The following MAGI2 variants were observed in gnomAD, a reference collection of about 807,000 sequenced individuals.
MAGI2 encodes membrane-associated guanylate kinase, WW and PDZ domain-containing protein 2.
In MAGI2, 35 loss-of-function variants were observed where a neutral mutation model predicts 133.3. The observed-to-expected ratio is 0.26, with a 90% CI of 0.20 to 0.35. The LOEUF is 0.35. MAGI2 is among the 10% of genes least tolerant of loss of function. MAGI2 has a pLI of 1.00. For synonymous variants in MAGI2, 729 were observed against 710.6 expected, an observed-to-expected ratio of 1.03 and a Z score of -0.41; for missense variants, 1,636 against 1,863.4, an observed-to-expected ratio of 0.88 and a Z score of 2.25.
intron 3 of MAGI2, among the ~76,000 whole-genome samples, chr7:78,608,510 ATG>A (rs563824901): frequency 1.3e-5 from 2 of 151,568 alleles, no homozygotes; most frequent in Admixed American, 6.6e-5. Flanking sequence ...AGCATATATA[ATG>A]TGTGTCTGTG....
intron 1 of MAGI2, among the ~76,000 whole-genome samples, chr7:79,299,554 CAAAAAAA>C (rs57740248): frequency 0.02 from 1,691 of 84,726 alleles, 143 homozygotes; most frequent in Admixed American, 0.027. Context: ...GACTCCATCT[CAAAAAAA>C]AAAAAAAAAA....
At chr7:78,985,306 A>G (rs1805158887) in intron 2 of MAGI2, among the ~76,000 whole-genome samples, 2 of 152,092 alleles carry the variant, frequency 1.3e-5, no homozygotes, top group Admixed American at 6.6e-5. Flanking sequence ...ATTTCTGTCC[A>G]TTTATTAATT....
intron 6 of MAGI2, among the ~76,000 whole-genome samples, chr7:78,432,500 T>C (rs563329112): frequency 6.6e-6 from 1 of 152,186 alleles, no homozygotes; most frequent in African/African-American, 2.4e-5. Context: ...TTTTTTCAAA[T>C]GTCCTAAAAC....
intron 6 of MAGI2, among the ~76,000 whole-genome samples, chr7:78,447,261 T>C (rs1403164927): frequency 6.6e-6 from 1 of 152,002 alleles, no homozygotes; most frequent in Non-Finnish European, 1.5e-5. Context: ...GATATATGTA[T>C]ACATTGCGTA....
At chr7:79,252,921 C>T (rs922997464) in intron 1 of MAGI2, among the ~76,000 whole-genome samples, 5 of 152,172 alleles carry the variant, frequency 3.3e-5, no homozygotes, top group African/African-American at 1.2e-4. Context: ...AATAGAAAAT[C>T]TACTTTCTGA....
chr7:78,162,537 CA>C (rs1563200886), intron 15 of MAGI2, among the ~76,000 whole-genome samples: 2 of 135,364 alleles, frequency 1.5e-5, no homozygotes, highest in Non-Finnish European at 3.2e-5. Flanking sequence ...AAAAAAAAAA[CA>C]AAAAACAAAA....
intron 1 of MAGI2, among the ~76,000 whole-genome samples, chr7:79,093,674 T>TTCTTTC (rs367954400): frequency 0.032 from 4,789 of 149,790 alleles, 250 homozygotes; most frequent in African/African-American, 0.11. Flanking sequence ...CAATTTCTTT[T>TTCTTTC]TCTTTCTCTT....
intron 9 of MAGI2, among the ~76,000 whole-genome samples, chr7:78,340,345 A>G (rs557384131): frequency 2.1e-4 from 32 of 152,332 alleles, no homozygotes; most frequent in African/African-American, 7.7e-4. Context: ...GTCCAGGACC[A>G]GACAGATTCA....
chr7:78,834,572 A>G (rs753304150), intron 2 of MAGI2, among the ~76,000 whole-genome samples: 17 of 152,096 alleles, frequency 1.1e-4, no homozygotes, highest in Non-Finnish European at 2.5e-4. Context: ...ACCATATTGT[A>G]TTTATTATCA....
intron 1 of MAGI2, chr7:79,172,896 T>C (rs1301357815): frequency 2.0e-5 from 3 of 152,054 alleles, no homozygotes; most frequent in Non-Finnish European, 4.4e-5. Context: ...TTTACTTATA[T>C]GTAAAATGTG....
intron 10 of MAGI2, among the ~76,000 whole-genome samples, chr7:78,227,584 A>T (rs765584841): frequency 6.6e-6 from 1 of 151,982 alleles, no homozygotes; most frequent in Non-Finnish European, 1.5e-5. Flanking sequence ...AGTTCCTCTC[A>T]CTTTTATTTG....
intron 1 of MAGI2, among the ~76,000 whole-genome samples, chr7:79,426,086 A>C (rs1209509603): frequency 2.0e-5 from 3 of 152,150 alleles, no homozygotes; most frequent in Non-Finnish European, 2.9e-5. Context: ...GTATTCATGG[A>C]CTCATAAGAA....
chr7:78,045,718 T>C (rs1398579782), intron 21 of MAGI2, among the ~76,000 whole-genome samples: 1 of 152,186 alleles, frequency 6.6e-6, no homozygotes, highest in Non-Finnish European at 1.5e-5. Context: ...AATCAGAGCC[T>C]GACTCCAATT....
chr7:78,546,983 T>C (rs1305584827), intron 3 of MAGI2, among the ~76,000 whole-genome samples: 1 of 152,346 alleles, frequency 6.6e-6, no homozygotes, highest in Admixed American at 6.5e-5. Flanking sequence ...GGGCATAGTC[T>C]CTGCCCAGGG....
chr7:79,005,108 C>T (rs1359464981), intron 2 of MAGI2, among the ~76,000 whole-genome samples: 1 of 150,990 alleles, frequency 6.6e-6, no homozygotes, highest in African/African-American at 2.4e-5. Flanking sequence ...AAAAGATATA[C>T]TGAGTCAAGA....
intron 2 of MAGI2, among the ~76,000 whole-genome samples, chr7:78,721,697 T>G (rs1185040269): frequency 6.6e-6 from 1 of 152,014 alleles, no homozygotes; most frequent in East Asian, 1.9e-4. Flanking sequence ...AGCTTTTTAC[T>G]AAGAAACTGA....
chr7:78,403,903 T>C (rs1797135973), intron 6 of MAGI2, among the ~76,000 whole-genome samples: 1 of 152,198 alleles, frequency 6.6e-6, no homozygotes. Flanking sequence ...CATGATTGTG[T>C]ATTTAGAAAA....
intron 1 of MAGI2, among the ~76,000 whole-genome samples, chr7:79,161,242 T>G (rs1041802814): frequency 1.3e-5 from 2 of 152,054 alleles, no homozygotes; most frequent in African/African-American, 4.8e-5. Flanking sequence ...TCTGCTCTTT[T>G]AGGAAATGTT....
chr7:79,151,826 G>GA (rs746313439), intron 1 of MAGI2, among the ~76,000 whole-genome samples: 9 of 152,060 alleles, frequency 5.9e-5, no homozygotes, highest in Non-Finnish European at 1.0e-4. Flanking sequence ...ACTTCAGCTG[G>GA]AAAAAACCTC....
Sources: allele counts gnomAD v4.1 joint callset (sites outside exome capture counted in the v4.1 genomes callset), GRCh38; gene constraint gnomAD v4.1.1; transcripts MANE v1.5; gene names NCBI Gene and HGNC (gene_info 2026-07-23, HGNC 2026-07-21).